Variants in JADE3 observed in about 807,000 individuals in gnomAD.
JADE3 encodes the protein jade family PHD finger 3.
JADE3 carries 2 observed loss-of-function variants against 50.1 expected under a neutral mutation model. The observed-to-expected ratio is 0.04, with a 90% CI of 0.02 to 0.13. The LOEUF is 0.13. Ranked by LOEUF, JADE3 falls within the 10% of genes least tolerant of loss-of-function variation. The probability of loss-of-function intolerance (pLI) is 1.00; values close to 1 mark genes in which losing one functional copy is unlikely to be tolerated. For missense variants in JADE3, 475 were observed against 634.4 expected, an observed-to-expected ratio of 0.75 and a Z score of 2.70; for synonymous variants, 218 against 232.9, an observed-to-expected ratio of 0.94 and a Z score of 0.58.
intron 1 of JADE3, among the ~76,000 whole-genome samples, chrX:46,956,584 T>TGG (rs1927121990): frequency 9.1e-6 from 1 of 110,158 alleles, no homozygotes; most frequent in African/African-American, 3.3e-5. Flanking sequence ...TGGAGTGCGG[T>TGG]CGCGCAATCA....
At chrX:47,051,346 A>G (rs1018057986) in intron 8 of JADE3, among the ~76,000 whole-genome samples, 6 of 112,288 alleles carry the variant, frequency 5.3e-5, no homozygotes, top group Non-Finnish European at 7.5e-5. Flanking sequence ...AAGATGATCT[A>G]TTGGGCCTTT....
At chrX:47,013,150 A>G (rs1556362132) in intron 4 of JADE3, among the ~76,000 whole-genome samples, 1 of 111,563 alleles carries the variant, frequency 9.0e-6, no homozygotes, top group Admixed American at 9.5e-5. Context: ...ATTAGTTGGG[A>G]CTACAGGCAC....
intron 4 of JADE3, 62 bp from the exon 5 acceptor site, chrX:47,024,662 A>G: frequency 2.7e-6 from 2 of 733,356 alleles, no homozygotes; most frequent in Non-Finnish European, 4.1e-6. Context: ...TTAGCCATCC[A>G]TTCAGTGCCT....
chrX:47,008,587 C>A (rs1203537282), intron 4 of JADE3, among the ~76,000 whole-genome samples: 2 of 108,795 alleles, frequency 1.8e-5, no homozygotes, highest in Non-Finnish European at 3.8e-5. Flanking sequence ...GGGAAGATAG[C>A]TTTTTAATGT....
chrX:46,968,665 TATCAC>T (rs1927418099), intron 1 of JADE3, among the ~76,000 whole-genome samples: 1 of 110,439 alleles, frequency 9.1e-6, no homozygotes, highest in African/African-American at 3.3e-5. Context: ...GATAATTAGA[TATCAC>T]AGCAAAGAAA....
At position 46,948,898 on chromosome X, in the gene JADE3, G is replaced by A. The variant is rs782257979; in HGVS notation, c.-11-35986G>A. On this transcript the variant is annotated intron_variant, in intron 1 of 10. Transcript: ENST00000614628. ...GTCATTTTCACACTTTGTGTAGATG[G>A]ACAATACACATACACAAACATATCA... Among the ~76,000 whole-genome samples the A allele has an allele frequency of 3.9e-4, 42 of 108,901 alleles. 1 individual carries two copies. The highest frequency in any genetic ancestry group is 8.0e-4 in the South Asian group (2 of 2,504). The allele number at this position is 108,901 out of a possible 115,157, so 94.6% of individuals were successfully genotyped here.
intron 1 of JADE3, among the ~76,000 whole-genome samples, chrX:46,960,540 T>C (rs781878135): frequency 2.7e-4 from 30 of 112,065 alleles, no homozygotes; most frequent in Non-Finnish European, 4.5e-4. Flanking sequence ...GTAGACAACA[T>C]TTCACATGTA....
intron 1 of JADE3, among the ~76,000 whole-genome samples, chrX:46,957,490 C>T (rs782470036): frequency 8.9e-6 from 1 of 112,182 alleles, no homozygotes; most frequent in Non-Finnish European, 1.9e-5. Context: ...AGGCGTGGCC[C>T]TGTGACTTGC....
At chrX:46,919,755 T>TC (rs782104236) in intron 1 of JADE3, among the ~76,000 whole-genome samples, 1 of 111,353 alleles carries the variant, frequency 9.0e-6, no homozygotes, top group Non-Finnish European at 1.9e-5. Context: ...AGATGTACAT[T>TC]CCCCCAGAAA....
chrX:47,047,549 CAAAAAAA>C (rs782645560), intron 8 of JADE3, among the ~76,000 whole-genome samples: 7 of 64,118 alleles, frequency 1.1e-4, no homozygotes, highest in Non-Finnish European at 3.1e-5. Context: ...AACTCCATTA[CAAAAAAA>C]AAAAAAAAGT....
intron 8 of JADE3, among the ~76,000 whole-genome samples, chrX:47,043,818 CAAAA>C (rs782062343): frequency 6.1e-5 from 3 of 48,854 alleles, no homozygotes; most frequent in Non-Finnish European, 7.9e-5. Context: ...GACTCTGTTT[CAAAA>C]AAAAAAAAAA....
intron 1 of JADE3, among the ~76,000 whole-genome samples, chrX:46,965,685 C>T (rs1178469353): frequency 1.5e-4 from 17 of 111,253 alleles, no homozygotes; most frequent in African/African-American, 5.6e-4. Context: ...AGAAGAGGGT[C>T]CTCCTGGGAG....
intron 4 of JADE3, among the ~76,000 whole-genome samples, chrX:47,016,571 G>T (rs1408029478): frequency 8.9e-6 from 1 of 111,740 alleles, no homozygotes; most frequent in Non-Finnish European, 1.9e-5. Flanking sequence ...TAGAGCAGTT[G>T]CAGAGGGCTT....
At chrX:47,008,697 A>G (rs1450314578) in intron 4 of JADE3, among the ~76,000 whole-genome samples, 7 of 111,510 alleles carry the variant, frequency 6.3e-5, no homozygotes, top group African/African-American at 2.3e-4. Flanking sequence ...TTACAGTATC[A>G]TACCACCATG....
intron 8 of JADE3, among the ~76,000 whole-genome samples, chrX:47,049,172 TTTC>T (rs1353324136): frequency 9.3e-5 from 9 of 97,068 alleles, no homozygotes; most frequent in Admixed American, 4.9e-4. Context: ...GACTGGCACC[TTTC>T]TTCTTCTTTT....
At chrX:46,952,276 A>G (rs914440245) in intron 1 of JADE3, among the ~76,000 whole-genome samples, 5 of 112,142 alleles carry the variant, frequency 4.5e-5, no homozygotes, top group African/African-American at 9.7e-5. Context: ...GAGAATGTCA[A>G]TGTATTTGTT....
At chrX:47,053,582 A>C (rs996214733) in intron 8 of JADE3, among the ~76,000 whole-genome samples, 1 of 112,594 alleles carries the variant, frequency 8.9e-6, no homozygotes, top group Admixed American at 9.4e-5. Context: ...GTTTAAAAAA[A>C]AAATTCAAGA....
At chrX:47,004,748 A>G (rs1389912359) in intron 4 of JADE3, among the ~76,000 whole-genome samples, 1 of 112,561 alleles carries the variant, frequency 8.9e-6, no homozygotes, top group Non-Finnish European at 1.9e-5. Flanking sequence ...GAGTCCTTTA[A>G]TAGATAATTT....
intron 1 of JADE3, among the ~76,000 whole-genome samples, chrX:46,945,992 T>C (rs782696454): frequency 3.6e-5 from 4 of 111,902 alleles, no homozygotes; most frequent in Admixed American, 1.9e-4. Flanking sequence ...GTATTGATAG[T>C]ATATTCCTTA....
Sources: allele counts gnomAD v4.1 joint callset (sites outside exome capture counted in the v4.1 genomes callset), GRCh38; gene constraint gnomAD v4.1.1; transcripts MANE v1.5; gene names NCBI Gene and HGNC (gene_info 2026-07-23, HGNC 2026-07-21).